The following XPO4 variants were observed in gnomAD, a reference collection of about 807,000 sequenced individuals.
XPO4 encodes the protein exportin 4.
XPO4 carries 39 observed loss-of-function variants against 143.0 expected under a neutral mutation model. That is an observed-to-expected ratio of 0.27 (90% CI 0.21 to 0.36). The LOEUF is 0.36. Ranked by LOEUF, XPO4 falls within the 10% of genes least tolerant of loss-of-function variation. The pLI is 1.00. For missense variants in XPO4, 907 were observed against 1,348.0 expected (o/e 0.67, Z 5.12); for synonymous variants, 439 against 474.0 (o/e 0.93, Z 0.96).
At chr13:20,784,367 C>T (rs1478451478) in intron 22 of XPO4, among the ~76,000 whole-genome samples, 2 of 152,170 alleles carry the variant, frequency 1.3e-5, no homozygotes, top group Non-Finnish European at 2.9e-5. Flanking sequence ...GTTCTGAGGA[C>T]AGCAATGTGC....
chr13:20,823,572 T>G (rs544553468), intron 7 of XPO4, among the ~76,000 whole-genome samples: 10 of 151,274 alleles, frequency 6.6e-5, no homozygotes, highest in South Asian at 2.1e-4. Flanking sequence ...TGGTTGTGTT[T>G]TTTTCTTTTT....
At position 20,880,446 on chromosome 13, in the gene XPO4, A is replaced by G. The variant is rs549337645; in HGVS notation, c.70-11745T>C. ...AGACTCCGTCTCAAAAAAAAAAGAAAAGAAAAAAAAAGGAACAGCCACTAG... is the reference window on the plus strand; with the variant it reads ...AGACTCCGTCTCAAAAAAAAAAGAAGAGAAAAAAAAAGGAACAGCCACTAG... On this transcript the variant is annotated intron_variant, in intron 1 of 22. Coordinates refer to ENST00000255305, the MANE Select transcript of XPO4 (RefSeq NM_022459.5). Among the ~76,000 whole-genome samples the G allele has an allele frequency of 2.0e-5, 3 of 152,200 alleles. No individual in the cohort carries two copies. The East Asian group carries it at 5.8e-4, about 29-fold the overall frequency.
chr13:20,836,692 G>A (rs369928929), intron 6 of XPO4, among the ~76,000 whole-genome samples: 1 of 152,212 alleles, frequency 6.6e-6, no homozygotes, highest in East Asian at 1.9e-4. Context: ...CACACACTAC[G>A]CAATTTACCC....
intron 2 of XPO4, among the ~76,000 whole-genome samples, chr13:20,866,780 TAAC>T (rs2138131070): frequency 6.6e-6 from 1 of 152,244 alleles, no homozygotes; most frequent in South Asian, 2.1e-4. Flanking sequence ...AGCTCAATCA[TAAC>T]AAAGCAACAA....
rs765187046 is a variant in XPO4, at chr13:20,822,176, A to G, written c.954T>C (p.Asp318=). The G allele has an allele frequency of 6.2e-7, 1 of 1,613,996 alleles. No homozygotes were observed. The highest frequency in any genetic ancestry group is 8.5e-7 in the Non-Finnish European group (1 of 1,179,880). The change falls in exon 8 of 23, where the codon GAT becomes GAC. Residue 318 remains aspartate, a synonymous_variant. Coordinates refer to ENST00000255305, the MANE Select transcript of XPO4 (RefSeq NM_022459.5). ...ATCCCTCAATGAAGTGTGCTAGATA[A>G]TCAACTTGTGATCCTTCATCTGGGA... is the stretch of plus-strand genomic sequence containing the variant. ...PIFPDEGSQV[D]YLAHFIEGLL...
chr13:20,891,279 C>A (rs925098444), intron 1 of XPO4, among the ~76,000 whole-genome samples: 1 of 152,040 alleles, frequency 6.6e-6, no homozygotes, highest in Non-Finnish European at 1.5e-5. Context: ...TTGGAGAGAG[C>A]AGATAAAGAA....
At chr13:20,894,708 T>A (rs772831212) in intron 1 of XPO4, among the ~76,000 whole-genome samples, 1 of 151,918 alleles carries the variant, frequency 6.6e-6, no homozygotes, top group Non-Finnish European at 1.5e-5. Flanking sequence ...CCAGGCATCA[T>A]GGCAGGCACC....
At chr13:20,808,150 A>AT (rs1348543104) in intron 12 of XPO4, among the ~76,000 whole-genome samples, 4 of 152,110 alleles carry the variant, frequency 2.6e-5, no homozygotes, top group Admixed American at 6.6e-5. Context: ...TTCTTCATCT[A>AT]TTAGTTGGGG....
At chr13:20,793,485 G>A (rs909392966) in intron 18 of XPO4, among the ~76,000 whole-genome samples, 3 of 152,198 alleles carry the variant, frequency 2.0e-5, no homozygotes, top group Admixed American at 2.0e-4. Flanking sequence ...GGGAGGAAGT[G>A]CAGCTGCACC....
At chr13:20,845,536 G>A (rs561212341) in intron 4 of XPO4, among the ~76,000 whole-genome samples, 3 of 152,148 alleles carry the variant, frequency 2.0e-5, no homozygotes, top group Non-Finnish European at 4.4e-5. Context: ...AGACAAAGAA[G>A]CCAGGCACTA....
At chr13:20,820,352 A>G (rs1160601525) in intron 9 of XPO4, among the ~76,000 whole-genome samples, 1 of 152,238 alleles carries the variant, frequency 6.6e-6, no homozygotes, top group Non-Finnish European at 1.5e-5. Context: ...TCTTCCAGCA[A>G]TTCTTTAAAA....
intron 7 of XPO4, among the ~76,000 whole-genome samples, chr13:20,826,005 GA>G (rs1367361272): frequency 6.6e-6 from 1 of 152,076 alleles, no homozygotes; most frequent in Admixed American, 6.5e-5. Flanking sequence ...TACAACAAAT[GA>G]AAAGAAACTA....
intron 6 of XPO4, among the ~76,000 whole-genome samples, chr13:20,827,709 G>A (rs2059801972): frequency 6.6e-6 from 1 of 151,960 alleles, no homozygotes; most frequent in South Asian, 2.1e-4. Context: ...ACTCCCACAG[G>A]TCACAGTATC....
At chr13:20,788,872 G>A (rs981006656) in intron 19 of XPO4, among the ~76,000 whole-genome samples, 1 of 152,134 alleles carries the variant, frequency 6.6e-6, no homozygotes, top group Non-Finnish European at 1.5e-5. Flanking sequence ...AAAATCTAAG[G>A]TCAATTCCTG....
chr13:20,790,376 T>C, intron 19 of XPO4, 86 bp downstream of exon 19: 2 of 1,089,776 alleles, frequency 1.8e-6, no homozygotes, highest in Non-Finnish European at 1.4e-6. Flanking sequence ...AACTACTAAA[T>C]TAAATCACAG....
At chr13:20,792,121 T>C (rs1406961103) in intron 18 of XPO4, among the ~76,000 whole-genome samples, 3 of 152,272 alleles carry the variant, frequency 2.0e-5, no homozygotes, top group East Asian at 1.9e-4. Flanking sequence ...TCTCTAACCA[T>C]GTGCTCTGCT....
chr13:20,799,410 C>A, intron 15 of XPO4, 71 bp from the exon 16 acceptor site: 1 of 1,252,960 alleles, frequency 8.0e-7, no homozygotes, highest in African/African-American at 1.5e-5. Context: ...CATATACACA[C>A]AAAGAAAACA....
chr13:20,856,329 A>G lies in XPO4; in HGVS notation c.318-564T>C, dbSNP rs779064912. 10 of 985,184 alleles carry G rather than the reference A, an allele frequency of 1.0e-5. No homozygotes were observed. In the Admixed American group the frequency reaches 6.2e-4, roughly 61 times the overall value. The allele number at this position is 985,184 out of a possible 1,614,324, so 61.0% of individuals were successfully genotyped here. On this transcript the variant is annotated intron_variant, in intron 3 of 22. Coordinates refer to ENST00000255305, the MANE Select transcript of XPO4 (RefSeq NM_022459.5). Reference sequence around the variant, plus strand: ...ATAAAATTGTAAAACACACACACACAAACATTCAAAATGTTCATATCTAGG... The same window carrying G: ...ATAAAATTGTAAAACACACACACACGAACATTCAAAATGTTCATATCTAGG...
chr13:20,796,046 A>G lies in XPO4; in HGVS notation c.2797+30T>C, dbSNP rs756457026. 2.3e-5 allele frequency: 36 copies of G among 1,572,422 alleles called. No homozygotes were observed. In the South Asian group the frequency reaches 4.1e-4, roughly 18 times the overall value. On this transcript the variant is annotated intron_variant, in intron 18 of 22. Coordinates refer to ENST00000255305, the MANE Select transcript of XPO4 (RefSeq NM_022459.5). ...TTTAATAAAAAGGAGGATAACAACAAAGTTTAAAAACCATCACGTTACATT... is the reference window on the plus strand; with the variant it reads ...TTTAATAAAAAGGAGGATAACAACAGAGTTTAAAAACCATCACGTTACATT...
Sources: allele counts gnomAD v4.1 joint callset (sites outside exome capture counted in the v4.1 genomes callset), GRCh38; gene constraint gnomAD v4.1.1; transcripts MANE v1.5; gene names NCBI Gene and HGNC (gene_info 2026-07-23, HGNC 2026-07-21).